ATRNL1: variants seen among roughly 807,000 people sequenced by gnomAD.
ATRNL1 encodes the protein attractin-like protein 1.
A neutral mutation model predicts 182.7 loss-of-function variants in ATRNL1; 95 were observed. That is an observed-to-expected ratio of 0.52 (90% CI 0.44 to 0.62). The LOEUF (loss-of-function observed/expected upper bound fraction) is 0.62. Among genes scored for constraint, ATRNL1 ranks in the 20% least tolerant of loss-of-function variants. The pLI is 0.00. For missense variants in ATRNL1, 1,471 were observed against 1,679.5 expected, an observed-to-expected ratio of 0.88 and a Z score of 2.17; for synonymous variants, 576 against 568.3, an observed-to-expected ratio of 1.01 and a Z score of -0.19.
chr10:115,503,074 G>C (rs1227696115), intron 24 of ATRNL1, among the ~76,000 whole-genome samples: 1 of 152,106 alleles, frequency 6.6e-6, no homozygotes, highest in Non-Finnish European at 1.5e-5. Context: ...TTATGCTTTA[G>C]CAGGACTTGG....
At chr10:115,271,696 C>T (rs1554913149) in intron 13 of ATRNL1, among the ~76,000 whole-genome samples, 1 of 152,152 alleles carries the variant, frequency 6.6e-6, no homozygotes, top group East Asian at 1.9e-4. Flanking sequence ...CTTCAGCAAG[C>T]ACCTTACCTG....
rs575978030 is a variant in ATRNL1, at chr10:115,916,959, C to T, written c.4019-27699C>T. Among the ~76,000 whole-genome samples, 17 of 152,262 alleles carry T rather than the reference C, an allele frequency of 1.1e-4. No individual in the cohort carries two copies. The South Asian group carries it at 2.5e-3, about 22-fold the overall frequency. On this transcript the variant is annotated intron_variant, in intron 28 of 28. Transcript: ENST00000355044. ...CCCCCTGTCAGGAACTGCCTCTAGGCGTGGCGCAAAAAATTAAGTTCCCAG... is the reference window on the plus strand; with the variant it reads ...CCCCCTGTCAGGAACTGCCTCTAGGTGTGGCGCAAAAAATTAAGTTCCCAG...
At chr10:115,741,272 G>C (rs1376688243) in intron 27 of ATRNL1, among the ~76,000 whole-genome samples, 1 of 152,156 alleles carries the variant, frequency 6.6e-6, no homozygotes, top group African/African-American at 2.4e-5. Context: ...GAATGTTTCA[G>C]GAAAGGTTGT....
chr10:115,866,275 G>T lies in ATRNL1; in HGVS notation c.4018+18284G>T, dbSNP rs191481087. The stretch of plus-strand genomic sequence containing the variant: ...GGTGTTCTGAACAATTATAAGGAGT[G>T]GGGCTCCTAATGCAAATGTCATTCC... On this transcript the variant is annotated intron_variant, in intron 28 of 28. Transcript: ENST00000355044. Among the ~76,000 whole-genome samples the T allele has an allele frequency of 3.9e-5, 6 of 152,134 alleles. No homozygotes were observed. In the East Asian group the frequency reaches 9.7e-4, roughly 24 times the overall value.
intron 3 of ATRNL1, 22 bp downstream of exon 3, chr10:115,121,834 G>A: frequency 8.2e-7 from 1 of 1,215,624 alleles, no homozygotes; most frequent in Non-Finnish European, 1.2e-6. Context: ...TATTTAATCA[G>A]TTGCAGAAAA....
chr10:115,916,020 G>A (rs1589689379), intron 28 of ATRNL1, among the ~76,000 whole-genome samples: 2 of 152,238 alleles, frequency 1.3e-5, no homozygotes, highest in Admixed American at 6.5e-5. Context: ...AGAAAGGGAA[G>A]AATTGGGCCA....
chr10:115,580,347 G>A (rs1303120537), intron 26 of ATRNL1, among the ~76,000 whole-genome samples: 2 of 151,992 alleles, frequency 1.3e-5, no homozygotes, highest in African/African-American at 4.8e-5. Flanking sequence ...TCTTCCCTTT[G>A]TTTTTGAAAG....
intron 25 of ATRNL1, among the ~76,000 whole-genome samples, chr10:115,544,372 T>C (rs1308472908): frequency 1.3e-5 from 2 of 152,086 alleles, no homozygotes; most frequent in African/African-American, 2.4e-5. Context: ...CTGGATAAAT[T>C]ATAAAGAAAA....
chr10:115,149,222 G>C (rs1372935037), intron 5 of ATRNL1, among the ~76,000 whole-genome samples: 1 of 152,080 alleles, frequency 6.6e-6, no homozygotes, highest in Non-Finnish European at 1.5e-5. Context: ...GGCAACAAAA[G>C]GGAAGGGAAA....
intron 27 of ATRNL1, among the ~76,000 whole-genome samples, chr10:115,782,799 A>G (rs556489216): frequency 1.3e-5 from 2 of 152,370 alleles, no homozygotes; most frequent in South Asian, 2.1e-4. Flanking sequence ...TCATAAAAAT[A>G]TAAGAGTATA....
intron 7 of ATRNL1, 81 bp from the exon 8 acceptor site, chr10:115,170,956 A>G: frequency 1.1e-6 from 1 of 891,386 alleles, no homozygotes; most frequent in South Asian, 4.3e-5. Context: ...AATTTTATGT[A>G]AATTTAACCT....
At chr10:115,223,913 G>GTGTGTGTGTGTA (rs71476115) in intron 9 of ATRNL1, among the ~76,000 whole-genome samples, 1 of 55,922 alleles carries the variant, frequency 1.8e-5, no homozygotes, top group African/African-American at 8.4e-5. Context: ...GTGTGTGTGT[G>GTGTGTGTGTGTA]TATATATATA....
At position 115,389,568 on chromosome 10, in the gene ATRNL1, A is replaced by ATG. The variant is rs1564990039; in HGVS notation, c.3176-5090_3176-5089insGT. Among the ~76,000 whole-genome samples the ATG allele has an allele frequency of 3.1e-3, 366 of 116,666 alleles. 11 individuals carry two copies. The highest frequency in any genetic ancestry group is 0.011 in the African/African-American group (333 of 30,386). The allele number at this position is 116,666 out of a possible 152,430, so 76.5% of individuals were successfully genotyped here. On this transcript the variant is annotated intron_variant, in intron 19 of 28. Coordinates refer to ENST00000355044, the MANE Select transcript of ATRNL1 (RefSeq NM_207303.4). Reference sequence around the variant, plus strand: ...TATATATATATATATATATATATATATATATATATATATATATATATATTT... The same window carrying ATG: ...TATATATATATATATATATATATATATGTATATATATATATATATATATATTT...
intron 5 of ATRNL1, among the ~76,000 whole-genome samples, chr10:115,147,956 T>G (rs1554879738): frequency 6.6e-6 from 1 of 152,158 alleles, no homozygotes; most frequent in Non-Finnish European, 1.5e-5. Context: ...CTTTTTTGGT[T>G]CCATATGAAT....
intron 10 of ATRNL1, among the ~76,000 whole-genome samples, chr10:115,258,739 C>T (rs1277406330): frequency 6.6e-6 from 1 of 152,082 alleles, no homozygotes; most frequent in African/African-American, 2.4e-5. Flanking sequence ...TGGTTTCTCC[C>T]CATCTTTGTG....
At chr10:115,199,079 T>C (rs1471269319) in intron 8 of ATRNL1, among the ~76,000 whole-genome samples, 1 of 152,150 alleles carries the variant, frequency 6.6e-6, no homozygotes, top group Non-Finnish European at 1.5e-5. Context: ...TCTGAATCTG[T>C]AGATCACTGT....
At chr10:115,822,740 G>A (rs1483592400) in intron 27 of ATRNL1, among the ~76,000 whole-genome samples, 8 of 152,170 alleles carry the variant, frequency 5.3e-5, no homozygotes, top group Middle Eastern at 3.4e-3. Context: ...GAAAGAAGTC[G>A]AATCCCTGAA....
intron 26 of ATRNL1, among the ~76,000 whole-genome samples, chr10:115,629,523 T>A (rs140426275): frequency 1.6e-3 from 236 of 152,256 alleles, no homozygotes; most frequent in Non-Finnish European, 2.9e-3. Flanking sequence ...TGGATATGGT[T>A]TTATTGCTCT....
At chr10:115,869,089 A>G (rs1192984624) in intron 28 of ATRNL1, among the ~76,000 whole-genome samples, 1 of 152,050 alleles carries the variant, frequency 6.6e-6, no homozygotes, top group African/African-American at 2.4e-5. Context: ...TCGGCCTCCC[A>G]AAGTGCTGGG....
Sources: gnomAD v4.1 joint callset for allele counts (sites outside exome capture counted in the v4.1 genomes callset) on GRCh38, gnomAD v4.1.1 for gene constraint, MANE v1.5 for transcripts, NCBI Gene and HGNC (gene_info 2026-07-23, HGNC 2026-07-21) for gene names.